SYT16: variants seen among roughly 807,000 people sequenced by gnomAD.
The protein encoded by SYT16 is synaptotagmin 16.
Under a neutral mutation model 61.4 loss-of-function variants are expected in SYT16, and 42 were observed. The observed-to-expected ratio is 0.68, with a 90% CI of 0.53 to 0.89. The LOEUF (loss-of-function observed/expected upper bound fraction) is 0.89. Among genes scored for constraint, SYT16 ranks in the 40% least tolerant of loss-of-function variants. SYT16 has a pLI of 0.00. For missense variants in SYT16, 804 were observed against 807.3 expected, an observed-to-expected ratio of 1.00 and a Z score of 0.05; for synonymous variants, 314 against 302.3, an observed-to-expected ratio of 1.04 and a Z score of -0.40.
chr14:61,821,715 C>T (rs2045624523), intron 1 of SYT16, among the ~76,000 whole-genome samples: 1 of 152,218 alleles, frequency 6.6e-6, no homozygotes, highest in African/African-American at 2.4e-5. Flanking sequence ...TTGCTGTATT[C>T]TCTTGGCTAG....
rs187297242 is a variant in SYT16, at chr14:62,050,913, G to A, written c.524-18690G>A. Among the ~76,000 whole-genome samples, 372 of 152,300 alleles carry A rather than the reference G, an allele frequency of 2.4e-3. 1 individual carries two copies. The highest frequency in any genetic ancestry group is 6.8e-3 in the Middle Eastern group (2 of 294). ...AGGTGACTCCCAGTTAGGCTACTGG[G>A]GGTCAGGGACCCACTTGAGGAGGCA... On this transcript the variant is annotated intron_variant, in intron 3 of 7. Transcript: ENST00000683842.
intron 3 of SYT16, among the ~76,000 whole-genome samples, chr14:62,016,080 A>C (rs1415174114): frequency 6.6e-6 from 1 of 152,146 alleles, no homozygotes; most frequent in Non-Finnish European, 1.5e-5. Context: ...ACTTGTCAAT[A>C]GTGAAACCAT....
intron 3 of SYT16, among the ~76,000 whole-genome samples, chr14:62,041,936 A>G (rs1049778620): frequency 6.6e-6 from 1 of 152,120 alleles, no homozygotes; most frequent in Non-Finnish European, 1.5e-5. Flanking sequence ...AATCCCAGTC[A>G]GTATATTTTA....
intron 3 of SYT16, among the ~76,000 whole-genome samples, chr14:62,061,167 A>G (rs889859166): frequency 6.6e-6 from 1 of 152,122 alleles, no homozygotes; most frequent in Non-Finnish European, 1.5e-5. Context: ...GTAAATTGAT[A>G]TAACACTGGC....
At chr14:61,870,656 C>G (rs564394243) in intron 1 of SYT16, among the ~76,000 whole-genome samples, 2 of 152,180 alleles carry the variant, frequency 1.3e-5, no homozygotes, top group South Asian at 4.1e-4. Flanking sequence ...TCTTTTTACT[C>G]TGTGTGTTTT....
intron 1 of SYT16, among the ~76,000 whole-genome samples, chr14:61,900,097 C>G (rs1009555569): frequency 1.3e-5 from 2 of 151,720 alleles, no homozygotes; most frequent in Admixed American, 1.3e-4. Flanking sequence ...AACCTCATAC[C>G]TTGGGCAGCC....
intron 2 of SYT16, among the ~76,000 whole-genome samples, chr14:61,995,408 A>T (rs2052724448): frequency 6.6e-6 from 1 of 152,108 alleles, no homozygotes; most frequent in Admixed American, 6.6e-5. Context: ...CTATTTTAAG[A>T]TTTGTTTAAA....
At chr14:62,006,022 A>G (rs1424815995) in intron 3 of SYT16, among the ~76,000 whole-genome samples, 6 of 151,912 alleles carry the variant, frequency 3.9e-5, no homozygotes, top group Non-Finnish European at 5.9e-5. Flanking sequence ...TCTCTCTCTC[A>G]CTGATGTGAT....
At chr14:62,045,558 C>T (rs1396403836) in intron 3 of SYT16, among the ~76,000 whole-genome samples, 10 of 152,006 alleles carry the variant, frequency 6.6e-5, no homozygotes, top group Admixed American at 2.0e-4. Context: ...CCCATTAACT[C>T]GTCATTTAAC....
intron 1 of SYT16, among the ~76,000 whole-genome samples, chr14:61,940,226 A>G (rs1708318675): frequency 6.6e-6 from 1 of 151,318 alleles, no homozygotes; most frequent in Non-Finnish European, 1.5e-5. Context: ...TTGAGGTGAC[A>G]TTCCTTTTAT....
intron 1 of SYT16, among the ~76,000 whole-genome samples, chr14:61,815,376 C>T (rs747819962): frequency 1.6e-4 from 24 of 152,154 alleles, no homozygotes; most frequent in Non-Finnish European, 2.6e-4. Context: ...AGGGCTATAG[C>T]TGAGTGCTTC....
At chr14:61,877,905 C>A (rs1269780662) in intron 1 of SYT16, among the ~76,000 whole-genome samples, 1 of 152,188 alleles carries the variant, frequency 6.6e-6, no homozygotes, top group African/African-American at 2.4e-5. Flanking sequence ...ACCTTAATCC[C>A]TGGGTGTTTC....
At chr14:61,818,512 T>C (rs1305131760) in intron 1 of SYT16, among the ~76,000 whole-genome samples, 1 of 152,054 alleles carries the variant, frequency 6.6e-6, no homozygotes, top group African/African-American at 2.4e-5. Flanking sequence ...ACCCCATCTC[T>C]ACTAAAATTA....
intron 4 of SYT16, among the ~76,000 whole-genome samples, chr14:62,072,096 A>G (rs1186855435): frequency 6.6e-6 from 1 of 152,204 alleles, no homozygotes; most frequent in African/African-American, 2.4e-5. Context: ...TTTAGACGTG[A>G]AAGGTTAGCT....
At chr14:62,083,717 C>T (rs558179674) in intron 6 of SYT16, among the ~76,000 whole-genome samples, 8 of 152,146 alleles carry the variant, frequency 5.3e-5, no homozygotes, top group South Asian at 4.1e-4. Flanking sequence ...TGGGGGTAGA[C>T]GTCCAGTGGT....
At chr14:62,051,471 C>T (rs6573414) in intron 3 of SYT16, among the ~76,000 whole-genome samples, 46,199 of 151,994 alleles carry the variant, frequency 0.3, 8,544 homozygotes, top group African/African-American at 0.53. Flanking sequence ...GCGCTGCACC[C>T]ACTGTCCTGC....
intron 1 of SYT16, among the ~76,000 whole-genome samples, chr14:61,923,121 G>A (rs2049403338): frequency 1.3e-5 from 2 of 151,464 alleles, no homozygotes; most frequent in South Asian, 4.2e-4. Flanking sequence ...CAGGCTGGAA[G>A]AGAATGGCTC....
chr14:61,836,284 T>C (rs1176824498), intron 1 of SYT16, among the ~76,000 whole-genome samples: 2 of 152,220 alleles, frequency 1.3e-5, no homozygotes, highest in Non-Finnish European at 2.9e-5. Flanking sequence ...TGTTTATTGC[T>C]CTACTTTACT....
In SYT16 at chr14:62,104,830, C is replaced by T. The variant is rs897294102; in HGVS notation, c.*4123C>T. ...TGGAAAATGGAAATAATACCTACCT[C>T]ATTAGGTGTCTTAAAAGATATCAGT... On this transcript the variant is annotated 3_prime_UTR_variant, in exon 8 of 8. Coordinates refer to ENST00000683842, the MANE Select transcript of SYT16 (RefSeq NM_001367656.1). 1 of 152,168 alleles carries T rather than the reference C, an allele frequency of 6.6e-6. No homozygotes were observed. Among genetic ancestry groups the T allele is most frequent in the African/African-American group, 2.4e-5 (1 of 41,450 alleles). The allele number at this position is 152,168 out of a possible 1,614,324, so 9.4% of individuals were successfully genotyped here.
Sources: gnomAD v4.1 joint callset for allele counts (sites outside exome capture counted in the v4.1 genomes callset) on GRCh38, gnomAD v4.1.1 for gene constraint, MANE v1.5 for transcripts, NCBI Gene and HGNC (gene_info 2026-07-23, HGNC 2026-07-21) for gene names.